The following KIAA0513 variants were observed in gnomAD, a reference collection of about 807,000 sequenced individuals.
KIAA0513 encodes KIAA0513.
A neutral mutation model predicts 56.5 loss-of-function variants in KIAA0513; 39 were observed. That is an observed-to-expected ratio of 0.69 (90% CI 0.53 to 0.90). The LOEUF (loss-of-function observed/expected upper bound fraction) is 0.90, where lower values mean the gene tolerates loss of function less well. Among genes scored for constraint, KIAA0513 ranks in the 40% least tolerant of loss-of-function variants. The probability of loss-of-function intolerance (pLI) is 0.00; values close to 1 mark genes in which losing one functional copy is unlikely to be tolerated. For missense variants in KIAA0513, 591 were observed against 535.2 expected, an observed-to-expected ratio of 1.10 and a Z score of -1.03; for synonymous variants, 268 against 215.6, an observed-to-expected ratio of 1.24 and a Z score of -2.13.
chr16:85,057,947 T>C (rs2073352768), intron 1 of KIAA0513, among the ~76,000 whole-genome samples: 1 of 152,072 alleles, frequency 6.6e-6, no homozygotes, highest in Non-Finnish European at 1.5e-5. Context: ...AACATTTTTG[T>C]CTTTACTGGG....
intron 4 of KIAA0513, among the ~76,000 whole-genome samples, chr16:85,074,747 C>A (rs900461272): frequency 6.6e-6 from 1 of 152,154 alleles, no homozygotes; most frequent in African/African-American, 2.4e-5. Context: ...AACAGGCCCT[C>A]CAGATTGCCT....
intron 12 of KIAA0513, among the ~76,000 whole-genome samples, chr16:85,087,646 A>T (rs748304444): frequency 3.9e-5 from 6 of 152,156 alleles, no homozygotes; most frequent in Non-Finnish European, 8.8e-5. Context: ...TTGCTGTGAC[A>T]TTGGCGCCCC....
At position 85,081,243 on chromosome 16, in the gene KIAA0513, C is replaced by A; in HGVS notation, c.903-72C>A. The A allele has an allele frequency of 7.2e-7, 1 of 1,391,388 alleles. No homozygotes were observed. The highest frequency in any genetic ancestry group is 1.2e-5 in the South Asian group (1 of 86,132). 86.2% of individuals were successfully genotyped at this position (1,391,388 alleles called of 1,614,324 possible). On this transcript the variant is annotated intron_variant, in intron 8 of 12. Transcript: ENST00000683363. The surrounding 1 kb of genome is among the most constrained non-coding windows in gnomAD (Gnocchi z 4.4). ...TGTGAGACACTGCCCTTGTTTATCC[C>A]TCAAGGGGCCCACAACCCGTGTCCT...
At chr16:85,036,931 T>C (rs1024627524) in intron 1 of KIAA0513, among the ~76,000 whole-genome samples, 1 of 152,160 alleles carries the variant, frequency 6.6e-6, no homozygotes, top group Non-Finnish European at 1.5e-5. Context: ...AAAATCCTGC[T>C]TTCATTCTTG....
intron 4 of KIAA0513, among the ~76,000 whole-genome samples, chr16:85,074,211 G>C (rs1347319230): frequency 6.6e-6 from 1 of 151,962 alleles, no homozygotes; most frequent in African/African-American, 2.4e-5. Context: ...CTGACCTCAA[G>C]TGATTCACTT....
chr16:85,040,785 G>A (rs1293742083), intron 1 of KIAA0513, among the ~76,000 whole-genome samples: 1 of 152,170 alleles, frequency 6.6e-6, no homozygotes, highest in Non-Finnish European at 1.5e-5. Context: ...GGCTCCACTT[G>A]TAAACTACAG....
At chr16:85,061,745 A>C (rs556843605) in intron 1 of KIAA0513, among the ~76,000 whole-genome samples, 2 of 152,306 alleles carry the variant, frequency 1.3e-5, no homozygotes, top group South Asian at 2.1e-4. Context: ...GAAGTGGCAG[A>C]GCAGCCACAC....
chr16:85,074,217 C>A (rs1404028722), intron 4 of KIAA0513, among the ~76,000 whole-genome samples: 3 of 151,940 alleles, frequency 2.0e-5, no homozygotes, highest in Non-Finnish European at 4.4e-5. Context: ...TCAAGTGATT[C>A]ACTTGCTTCA....
At chr16:85,066,419 G>GT (rs749902179) in intron 1 of KIAA0513, among the ~76,000 whole-genome samples, 5 of 152,188 alleles carry the variant, frequency 3.3e-5, no homozygotes, top group Non-Finnish European at 7.3e-5. Context: ...AGATAGACCT[G>GT]TGACAGTCCG....
At chr16:85,072,051 G>C (rs2073584756) in intron 3 of KIAA0513, among the ~76,000 whole-genome samples, 169 bp downstream of exon 3, 1 of 152,152 alleles carries the variant, frequency 6.6e-6, no homozygotes. Flanking sequence ...GAAAAGGAGT[G>C]TTTAGAATAG....
At chr16:85,052,036 C>T (rs1204087627) in intron 1 of KIAA0513, among the ~76,000 whole-genome samples, 1 of 151,848 alleles carries the variant, frequency 6.6e-6, no homozygotes, top group Non-Finnish European at 1.5e-5. Context: ...TAAAACGACG[C>T]ATTGGCCAGG....
At chr16:85,033,073 G>A (rs1032659569) in intron 1 of KIAA0513, among the ~76,000 whole-genome samples, 1 of 152,186 alleles carries the variant, frequency 6.6e-6, no homozygotes, top group Admixed American at 6.5e-5. Context: ...TGTTTTAAAG[G>A]GATTGGCAGG....
At chr16:85,045,103 G>T (rs1354810289) in intron 1 of KIAA0513, among the ~76,000 whole-genome samples, 2 of 152,020 alleles carry the variant, frequency 1.3e-5, no homozygotes, top group Non-Finnish European at 2.9e-5. Context: ...GGGGGACAGA[G>T]CGAGACTCCG....
intron 1 of KIAA0513, among the ~76,000 whole-genome samples, chr16:85,046,595 G>A (rs548936821): frequency 2.1e-4 from 32 of 152,286 alleles, no homozygotes; most frequent in African/African-American, 7.7e-4. Flanking sequence ...GCCATCCTTC[G>A]AGGTCAGCTG....
At position 85,091,106 on chromosome 16, in the gene KIAA0513, T is replaced by C. The variant is rs75037697; in HGVS notation, c.*2781T>C. The C allele has an allele frequency of 0.029, 4,476 of 152,352 alleles. 100 individuals carry two copies. Among genetic ancestry groups the C allele is most frequent in the African/African-American group, 0.055 (2,296 of 41,556 alleles). 9.4% of individuals were successfully genotyped at this position (152,352 alleles called of 1,614,324 possible). On this transcript the variant is annotated 3_prime_UTR_variant, in exon 13 of 13. Transcript: ENST00000683363. ...AGGTTCCCAGTCCCAGCAGGCAGAA[T>C]GCCCAAAACCAGGAGCACGAAGGCC...
chr16:85,076,759 G>T lies in KIAA0513; in HGVS notation c.575-666G>T, dbSNP rs564323937. Among the ~76,000 whole-genome samples, 48 of 152,294 alleles carry T rather than the reference G, an allele frequency of 3.2e-4. No individual in the cohort carries two copies. The highest frequency in any genetic ancestry group is 1.2e-3 in the African/African-American group (48 of 41,558). On this transcript the variant is annotated intron_variant, in intron 5 of 12. Transcript: ENST00000683363. This position sits in a 1 kb window ranked among gnomAD's most constrained non-coding sequence, Gnocchi z 4.7. ...CCAGGCCACACGTCGGCTGCTTTGG[G>T]TGGGGTAGGAACCCCCCAGTACAAC...
chr16:85,045,343 A>C (rs1193939836), intron 1 of KIAA0513, among the ~76,000 whole-genome samples: 4 of 151,946 alleles, frequency 2.6e-5, no homozygotes, highest in Non-Finnish European at 5.9e-5. Context: ...TTTGATACTT[A>C]AGCAGAGACC....
At chr16:85,035,704 C>G (rs537277980) in intron 1 of KIAA0513, among the ~76,000 whole-genome samples, 1 of 152,100 alleles carries the variant, frequency 6.6e-6, no homozygotes, top group South Asian at 2.1e-4. Context: ...CTTGGCTGGG[C>G]GCGGTGGCTC....
intron 1 of KIAA0513, among the ~76,000 whole-genome samples, chr16:85,044,974 C>T (rs1308415989): frequency 1.3e-5 from 2 of 151,446 alleles, no homozygotes; most frequent in South Asian, 2.1e-4. Flanking sequence ...AAAAATTAGC[C>T]GGGCGTGGTG....
Sources: gnomAD v4.1 joint callset for allele counts (sites outside exome capture counted in the v4.1 genomes callset) on GRCh38, gnomAD v4.1.1 for gene constraint, Gnocchi (gnomAD v3.1) non-coding constraint, MANE v1.5 for transcripts, NCBI Gene and HGNC (gene_info 2026-07-23, HGNC 2026-07-21) for gene names.